RTL4: variants seen among roughly 807,000 people sequenced by gnomAD.
RTL4 encodes the protein retrotransposon Gag like 4, also known as retrotransposon Gag-like protein 4.
A neutral mutation model predicts 5.3 loss-of-function variants in RTL4; 4 were observed. The observed-to-expected ratio is 0.75, with a 90% CI of 0.37 to 1.72. The LOEUF (loss-of-function observed/expected upper bound fraction) is 1.72, where lower values mean the gene tolerates loss of function less well. Among genes scored for constraint, RTL4 ranks in the 40% most tolerant of loss-of-function variants. The pLI, the probability that RTL4 is intolerant of heterozygous loss-of-function variation, is 0.04. For missense variants in RTL4, 260 were observed against 227.1 expected (o/e 1.14, Z -0.93); for synonymous variants, 98 against 87.3 (o/e 1.12, Z -0.68).
the RTL4 span, among the ~76,000 whole-genome samples, chrX:112,349,397 A>C: frequency 5.4e-5 from 6 of 111,517 alleles, no homozygotes; most frequent in African/African-American, 2.0e-4. Context: ...TGTCTAATCA[A>C]GAAGAGGTTT....
the RTL4 span, among the ~76,000 whole-genome samples, chrX:112,169,205 C>A: frequency 1.5e-4 from 16 of 107,984 alleles, no homozygotes; most frequent in African/African-American, 5.4e-4. Flanking sequence ...ACCTTCGTCT[C>A]CCAGGTTTAA....
the RTL4 span, among the ~76,000 whole-genome samples, chrX:112,326,883 C>T: frequency 9.0e-6 from 1 of 111,424 alleles, no homozygotes; most frequent in Non-Finnish European, 1.9e-5. Context: ...GAGGCACCCC[C>T]CAGCAGGGGC....
At chrX:112,340,995 A>G in the RTL4 span, among the ~76,000 whole-genome samples, 4,943 of 111,520 alleles carry the variant, frequency 0.044, 269 homozygotes, top group African/African-American at 0.15. Flanking sequence ...TGGGATTACA[A>G]GCATGAGCTA....
chrX:112,202,646 C>T, the RTL4 span, among the ~76,000 whole-genome samples: 29 of 107,986 alleles, frequency 2.7e-4, no homozygotes, highest in African/African-American at 9.8e-4. Context: ...CTGCAACCTC[C>T]GCCTCCTGGG....
At chrX:112,122,462 G>A in the RTL4 span, among the ~76,000 whole-genome samples, 1,165 of 110,308 alleles carry the variant, frequency 0.011, 4 homozygotes, top group Middle Eastern at 0.042. Flanking sequence ...GAGGGAAGGC[G>A]AGGGATGGTT....
the RTL4 span, among the ~76,000 whole-genome samples, chrX:112,272,140 G>T: frequency 9.0e-6 from 1 of 111,719 alleles, no homozygotes; most frequent in South Asian, 3.7e-4. Flanking sequence ...TTTATCCTGC[G>T]TGCATAACTG....
chrX:112,179,711 T>A, the RTL4 span, among the ~76,000 whole-genome samples: 1 of 112,347 alleles, frequency 8.9e-6, no homozygotes, highest in African/African-American at 3.2e-5. Flanking sequence ...ACAAACAAAC[T>A]TCCCTGTCTT....
the RTL4 span, among the ~76,000 whole-genome samples, chrX:112,226,425 A>G: frequency 8.9e-6 from 1 of 112,063 alleles, no homozygotes; most frequent in East Asian, 2.8e-4. Context: ...CATTATTTCA[A>G]GAATGATCCT....
the RTL4 span, among the ~76,000 whole-genome samples, chrX:112,441,940 A>G: frequency 8.9e-6 from 1 of 112,392 alleles, no homozygotes; most frequent in Non-Finnish European, 1.9e-5. Context: ...TTTTGGCAAC[A>G]AAAAGAAATG....
chrX:112,289,457 A>G, the RTL4 span, among the ~76,000 whole-genome samples: 2 of 112,282 alleles, frequency 1.8e-5, no homozygotes, highest in Non-Finnish European at 3.8e-5. Flanking sequence ...AAACAATTAG[A>G]ATAAACACTA....
the RTL4 span, among the ~76,000 whole-genome samples, chrX:112,278,153 T>C: frequency 8.9e-6 from 1 of 112,635 alleles, no homozygotes; most frequent in African/African-American, 3.2e-5. Context: ...TTGTTGGTTT[T>C]AATTGTCTTA....
At chrX:112,445,029 GAA>G in the RTL4 span, among the ~76,000 whole-genome samples, 1 of 111,518 alleles carries the variant, frequency 9.0e-6, no homozygotes, top group Non-Finnish European at 1.9e-5. Flanking sequence ...AAGCCTTATT[GAA>G]AATATGAACT....
At chrX:112,202,750 AG>A in the RTL4 span, among the ~76,000 whole-genome samples, 1 of 109,549 alleles carries the variant, frequency 9.1e-6, no homozygotes, top group South Asian at 4.0e-4. Context: ...TAGTAGAAAC[AG>A]GGTTTCACCA....
chrX:112,328,876 A>G, the RTL4 span, among the ~76,000 whole-genome samples: 1 of 112,081 alleles, frequency 8.9e-6, no homozygotes, highest in Admixed American at 9.5e-5. Flanking sequence ...GCTCAACTAC[A>G]TGGAAACTGA....
the RTL4 span, among the ~76,000 whole-genome samples, chrX:112,083,028 G>A: frequency 9.1e-6 from 1 of 110,175 alleles, no homozygotes; most frequent in Non-Finnish European, 1.9e-5. Flanking sequence ...CTTCTTTGCA[G>A]CTCCGCGGCC....
the RTL4 span, among the ~76,000 whole-genome samples, chrX:112,182,150 C>T: frequency 0.01 from 1,143 of 111,556 alleles, 19 homozygotes; most frequent in African/African-American, 0.035. Context: ...TCAACAAAAA[C>T]GACATCCACA....
chrX:112,456,261 A>G lies in RTL4; in HGVS notation c.*600A>G, dbSNP rs1351675624. On this transcript the variant is annotated 3_prime_UTR_variant, in exon 1 of 1. Transcript: ENST00000340433. ...CCACAGCTCTGCCACCCTTCCATAG[A>G]GCTATATGTTTTGTTTCCATCTAAA... is the stretch of plus-strand genomic sequence containing the variant. 2.9e-5 allele frequency: 9 copies of G among 306,506 alleles called. No homozygotes were observed. The Admixed American group carries it at 5.6e-4, about 19-fold the overall frequency. 25.3% of individuals were successfully genotyped at this position (306,506 alleles called of 1,213,427 possible). A position where few individuals can be genotyped will look rare whatever the true frequency, so the allele number is the denominator to read the frequency against.
At chrX:112,309,634 G>A in the RTL4 span, among the ~76,000 whole-genome samples, 38 of 107,533 alleles carry the variant, frequency 3.5e-4, no homozygotes, top group African/African-American at 1.2e-3. Flanking sequence ...AACCACAGGC[G>A]CATGCCACCA....
chrX:112,390,414 T>C, the RTL4 span, among the ~76,000 whole-genome samples: 1 of 104,931 alleles, frequency 9.5e-6, no homozygotes, highest in Non-Finnish European at 1.9e-5. Flanking sequence ...ATCATGCCAC[T>C]GCAGTCCAGC....
Sources: allele counts gnomAD v4.1 joint callset (sites outside exome capture counted in the v4.1 genomes callset), GRCh38; gene constraint gnomAD v4.1.1; transcripts MANE v1.5; gene names NCBI Gene and HGNC (gene_info 2026-07-23, HGNC 2026-07-21).